CYTH3: variants seen among roughly 807,000 people sequenced by gnomAD.
CYTH3 encodes the protein cytohesin-3.
In CYTH3, 23 loss-of-function variants were observed where a neutral mutation model predicts 55.1. The ratio of observed to expected loss-of-function variants is 0.42; its 90% confidence interval spans 0.30 to 0.59. The LOEUF is 0.59. Among genes scored for constraint, CYTH3 ranks in the 20% least tolerant of loss-of-function variants. The pLI, the probability that CYTH3 is intolerant of heterozygous loss-of-function variation, is 0.20. For synonymous variants in CYTH3, 249 were observed against 194.9 expected, an observed-to-expected ratio of 1.28 and a Z score of -2.31; for missense variants, 413 against 524.8, an observed-to-expected ratio of 0.79 and a Z score of 2.08.
chr7:6,214,521 T>C (rs1402545401), intron 1 of CYTH3, among the ~76,000 whole-genome samples: 1 of 152,158 alleles, frequency 6.6e-6, no homozygotes, highest in African/African-American at 2.4e-5. Context: ...CCATACAAAC[T>C]GGTGCTTTTT....
chr7:6,207,278 T>C (rs921480424), intron 1 of CYTH3, among the ~76,000 whole-genome samples: 4 of 151,822 alleles, frequency 2.6e-5, no homozygotes, highest in Non-Finnish European at 5.9e-5. Flanking sequence ...GTATTTTTAG[T>C]AGAGACAGGG....
chr7:6,243,941 T>C (rs1779740125), intron 1 of CYTH3, among the ~76,000 whole-genome samples: 1 of 152,230 alleles, frequency 6.6e-6, no homozygotes, highest in Admixed American at 6.5e-5. Context: ...GGAAATTCTC[T>C]CCTGTTAGGA....
chr7:6,178,626 T>A (rs1783405337), intron 4 of CYTH3, among the ~76,000 whole-genome samples: 1 of 152,224 alleles, frequency 6.6e-6, no homozygotes, highest in African/African-American at 2.4e-5. Flanking sequence ...ACCGCCTTCT[T>A]GCCACTTGGG....
intron 4 of CYTH3, 70 bp from the exon 5 acceptor site, chr7:6,178,011 C>A: frequency 8.4e-7 from 1 of 1,190,044 alleles, no homozygotes; most frequent in Non-Finnish European, 1.2e-6. Flanking sequence ...GACAGAAATA[C>A]ACTTAGTGTC....
At chr7:6,196,749 C>T (rs1383958238) in intron 1 of CYTH3, among the ~76,000 whole-genome samples, 1 of 152,168 alleles carries the variant, frequency 6.6e-6, no homozygotes, top group Non-Finnish European at 1.5e-5. Flanking sequence ...GCGTGAGCCA[C>T]CGCGCCCAGC....
intron 2 of CYTH3, among the ~76,000 whole-genome samples, chr7:6,189,356 C>T (rs948632683): frequency 3.3e-5 from 5 of 152,028 alleles, no homozygotes; most frequent in African/African-American, 4.8e-5. Flanking sequence ...TTGCCCAGTC[C>T]GCAGTACACT....
intron 1 of CYTH3, among the ~76,000 whole-genome samples, chr7:6,238,804 G>C (rs1231133711): frequency 1.3e-5 from 2 of 152,082 alleles, no homozygotes; most frequent in East Asian, 3.9e-4. Context: ...GGGAGTATAT[G>C]GGAGCTCTTT....
In CYTH3 at chr7:6,167,840, G is replaced by GC. The variant is rs1307201897; in HGVS notation, c.824-2031dup. 6.6e-5 allele frequency among the ~76,000 whole-genome samples: 10 copies of GC among 152,332 alleles called. No homozygotes were observed. The highest frequency in any genetic ancestry group is 2.4e-4 in the African/African-American group (10 of 41,580). On this transcript the variant is annotated intron_variant, in intron 9 of 12. Coordinates refer to ENST00000350796, the MANE Select transcript of CYTH3 (RefSeq NM_004227.4). The surrounding 1 kb of genome is among the most constrained non-coding windows in gnomAD (Gnocchi z 5.5). Reference sequence around the variant, plus strand: ...TATGTTCCACTAGCCCACACACCTGGCCCCGCCTGGGAGGGGTCTGCCAGG... The same window carrying GC: ...TATGTTCCACTAGCCCACACACCTGGCCCCCGCCTGGGAGGGGTCTGCCAGG...
intron 5 of CYTH3, among the ~76,000 whole-genome samples, chr7:6,174,255 C>T (rs973486854): frequency 6.6e-6 from 1 of 152,066 alleles, no homozygotes; most frequent in Non-Finnish European, 1.5e-5. Flanking sequence ...GCTGGGATTA[C>T]AGGCATGCGC....
In CYTH3 at chr7:6,171,232, G is replaced by C. The variant is rs368016139; in HGVS notation, c.532C>G (p.Leu178Val). 1 of 1,614,176 alleles carries C rather than the reference G, an allele frequency of 6.2e-7. No homozygotes were observed. The highest frequency in any genetic ancestry group is 1.3e-5 in the African/African-American group (1 of 75,060). ...GACTGGAAGACCCCGGGGTTGCACAGGCAGTAGCGAGAAGCGAAAGCCTCC... is the reference window on the plus strand; with the variant it reads ...GACTGGAAGACCCCGGGGTTGCACACGCAGTAGCGAGAAGCGAAAGCCTCC... ...MMEAFASRYC[L>V]CNPGVFQSTD... is the part of the protein sequence containing the mutation. Residue 178 changes from leucine to valine, a missense_variant, in exon 7 of 13, where the codon CTG becomes GTG. By Grantham distance (32) the Leu-to-Val change is conservative. This residue lies in a region of CYTH3 where 156 missense variants were observed against 233.1 expected (regional missense o/e 0.67). Coordinates refer to ENST00000350796, the MANE Select transcript of CYTH3 (RefSeq NM_004227.4). This position sits in a 1 kb window ranked among gnomAD's most constrained non-coding sequence, Gnocchi z 6.7.
intron 4 of CYTH3, among the ~76,000 whole-genome samples, chr7:6,186,716 G>C (rs535191180): frequency 2.0e-5 from 3 of 152,166 alleles, no homozygotes; most frequent in Admixed American, 1.3e-4. Context: ...GGTCAAGCGG[G>C]AAGATGCGAA....
intron 1 of CYTH3, among the ~76,000 whole-genome samples, chr7:6,211,343 G>A (rs896068986): frequency 1.2e-4 from 18 of 152,386 alleles, no homozygotes; most frequent in African/African-American, 4.3e-4. Context: ...TGTTTTGGAA[G>A]CAGAACAGAA....
intron 1 of CYTH3, 63 bp from the exon 2 acceptor site, chr7:6,190,594 G>C: frequency 1.5e-6 from 2 of 1,331,914 alleles, no homozygotes; most frequent in Non-Finnish European, 2.0e-6. Flanking sequence ...CAGCAAGGTT[G>C]AGGTGGGTAC....
intron 1 of CYTH3, among the ~76,000 whole-genome samples, chr7:6,206,170 G>A (rs1467704660): frequency 6.6e-6 from 1 of 152,124 alleles, no homozygotes; most frequent in Non-Finnish European, 1.5e-5. Flanking sequence ...AATGTTCATA[G>A]CAACACTATT....
intron 4 of CYTH3, among the ~76,000 whole-genome samples, chr7:6,181,990 C>T (rs1354224413): frequency 1.3e-5 from 2 of 152,238 alleles, no homozygotes; most frequent in East Asian, 3.9e-4. Context: ...ATAATATACA[C>T]AAATATCCTA....
chr7:6,216,511 G>A (rs1298754471), intron 1 of CYTH3, among the ~76,000 whole-genome samples: 7 of 151,886 alleles, frequency 4.6e-5, no homozygotes, highest in African/African-American at 1.7e-4. Flanking sequence ...GGCTGAGGTG[G>A]GTGGATTACC....
rs560594568 is a variant in CYTH3, at chr7:6,217,488, T to C, written c.35-26957A>G. On this transcript the variant is annotated intron_variant, in intron 1 of 12. Coordinates refer to ENST00000350796, the MANE Select transcript of CYTH3 (RefSeq NM_004227.4). ...AGAAAACTACCAGAGACAGATACTA[T>C]ATAATGATCCATCAAAAAGACATAG... Among the ~76,000 whole-genome samples the C allele has an allele frequency of 3.3e-5, 5 of 152,286 alleles. No individual in the cohort carries two copies. In the South Asian group the frequency reaches 8.3e-4, roughly 25 times the overall value.
At chr7:6,202,616 G>A (rs771022618) in intron 1 of CYTH3, among the ~76,000 whole-genome samples, 48 of 152,096 alleles carry the variant, frequency 3.2e-4, no homozygotes, top group African/African-American at 1.1e-3. Context: ...GGCATGCGCC[G>A]CCACGCCCAA....
At chr7:6,248,998 TTC>T (rs1247432843) in intron 1 of CYTH3, among the ~76,000 whole-genome samples, 7 of 152,248 alleles carry the variant, frequency 4.6e-5, no homozygotes, top group Non-Finnish European at 7.3e-5. Flanking sequence ...GATGTCAGCT[TTC>T]TCTGTTTCTA....
Sources: gnomAD v4.1 joint callset for allele counts (sites outside exome capture counted in the v4.1 genomes callset) on GRCh38, gnomAD v4.1.1 for gene constraint, gnomAD v4.1.1 regional missense constraint, Gnocchi (gnomAD v3.1) non-coding constraint, MANE v1.5 for transcripts, NCBI Gene and HGNC (gene_info 2026-07-23, HGNC 2026-07-21) for gene names.